CHADL: variants seen among roughly 807,000 people sequenced by gnomAD.
CHADL encodes chondroadherin-like protein.
Under a neutral mutation model 52.1 loss-of-function variants are expected in CHADL, and 48 were observed. The ratio of observed to expected loss-of-function variants is 0.92; its 90% confidence interval spans 0.73 to 1.17. The LOEUF (loss-of-function observed/expected upper bound fraction) is 1.17, where lower values mean the gene tolerates loss of function less well. Among genes scored for constraint, CHADL ranks in the 50% most tolerant of loss-of-function variants. CHADL has a pLI of 0.00. For synonymous variants in CHADL, 498 were observed against 511.2 expected, an observed-to-expected ratio of 0.97 and a Z score of 0.35; for missense variants, 977 against 1,035.1, an observed-to-expected ratio of 0.94 and a Z score of 0.77.
chr22:41,237,538 C>T lies in CHADL; in HGVS notation c.1534G>A (p.Val512Met). The change falls in exon 3 of 6, where the codon GTG (valine) becomes ATG (methionine). Residue 512 changes from valine to methionine, a missense_variant. Transcript: ENST00000216241. Reference sequence around the variant, plus strand: ...AGGGCGCGCAGGGCAGCCCCTGGCACCTGCAGGAAACGGTTGCGTTCTAGG... The same window carrying T: ...AGGGCGCGCAGGGCAGCCCCTGGCATCTGCAGGAAACGGTTGCGTTCTAGG... ...LYLERNRFLQ[V>M]PGAALRALPS... 1 of 1,550,494 alleles carries T rather than the reference C, an allele frequency of 6.4e-7. No homozygotes were observed. The highest frequency in any genetic ancestry group is 8.7e-7 in the Non-Finnish European group (1 of 1,146,926).
Position 41,229,668 on chromosome 22 carries a change from C to G in CHADL, c.*36G>C. The G allele has an allele frequency of 6.2e-7, 1 of 1,613,124 alleles. No homozygotes were observed. Among genetic ancestry groups the G allele is most frequent in the Non-Finnish European group, 8.5e-7 (1 of 1,180,016 alleles). On this transcript the variant is annotated 3_prime_UTR_variant, in exon 6 of 6. Coordinates refer to ENST00000216241, the MANE Select transcript of CHADL (RefSeq NM_138481.2). The stretch of plus-strand genomic sequence containing the variant: ...TGTTCCTGGCGAGAGTAAGAGCCAC[C>G]GGGCTGGGTCAAGGCAGGACCAGCC...
At chr22:41,233,956 A>G (rs2032686036) in intron 5 of CHADL, among the ~76,000 whole-genome samples, 1 of 152,148 alleles carries the variant, frequency 6.6e-6, no homozygotes, top group African/African-American at 2.4e-5. Flanking sequence ...GGGTGCCTGT[A>G]TCTTGTGCAC....
At chr22:41,236,035 C>A (rs942764215) in intron 4 of CHADL, among the ~76,000 whole-genome samples, 1 of 152,190 alleles carries the variant, frequency 6.6e-6, no homozygotes, top group Non-Finnish European at 1.5e-5. Flanking sequence ...CCACGCCCAG[C>A]TAATTTTTGT....
intron 3 of CHADL, 151 bp downstream of exon 3, chr22:41,237,025 C>T (rs1046666334): frequency 3.7e-5 from 30 of 801,166 alleles, no homozygotes; most frequent in East Asian, 2.7e-4. Flanking sequence ...TCACTCACAC[C>T]GGTAGGGGCA....
chr22:41,238,953 T>C lies in CHADL; in HGVS notation c.187-68A>G, dbSNP rs140279611. On this transcript the variant is annotated intron_variant, in intron 2 of 5. Transcript: ENST00000216241. The surrounding 1 kb of genome is among the most constrained non-coding windows in gnomAD (Gnocchi z 4.9). ...CCCCGCCTTTGCAAGTGCTGCTTCT[T>C]CCCCGGAACACTCTTTTCTCCTGTC... 3,662 of 1,458,274 alleles carry C rather than the reference T, an allele frequency of 2.5e-3. 68 individuals are homozygous for C. The African/African-American group carries it at 0.046, about 18-fold the overall frequency. The allele number at this position is 1,458,274 out of a possible 1,614,324, so 90.3% of individuals were successfully genotyped here. A position where few individuals can be genotyped will look rare whatever the true frequency, so the allele number is the denominator to read the frequency against.
chr22:41,238,604 T>A lies in CHADL; in HGVS notation c.468A>T (p.Ala156=). 6.5e-7 allele frequency: 1 copy of A among 1,545,018 alleles called. No individual in the cohort carries two copies. Among genetic ancestry groups the A allele is most frequent in the South Asian group, 1.2e-5 (1 of 84,026 alleles). ...LEELRPGTFG[A]LGALATLNLA... is the part of the protein sequence containing the mutation. ...GGTTTAGCGTGGCCAGCGCACCCAG[T>A]GCCCCGAACGTCCCCGGCCGCAGCT... Residue 156 remains alanine, a synonymous_variant, in exon 3 of 6, where the codon GCA becomes GCT. Transcript: ENST00000216241. This position sits in a 1 kb window ranked among gnomAD's most constrained non-coding sequence, Gnocchi z 4.9.
In CHADL at chr22:41,237,721, G is replaced by A; in HGVS notation, c.1351C>T (p.Leu451=). 6.5e-7 allele frequency: 1 copy of A among 1,541,954 alleles called. No individual in the cohort carries two copies. The highest frequency in any genetic ancestry group is 8.7e-7 in the Non-Finnish European group (1 of 1,142,964). Residue 451 remains leucine (L), a synonymous_variant, in exon 3 of 6, where the codon CTG becomes TTG. Transcript: ENST00000216241. ...CAGTGCTGCAGGTGCAGCGACACCA[G>A]GTGGCCCAGGCCGGGGAAGGCCGCT... ...PRAAFPGLGH[L]VSLHLQHCGI... is the part of the protein sequence containing the mutation.
chr22:41,240,469 C>A (rs563539885), intron 1 of CHADL, among the ~76,000 whole-genome samples: 48 of 152,250 alleles, frequency 3.2e-4, no homozygotes, highest in African/African-American at 1.1e-3. Context: ...GAGCCTCCCC[C>A]TCGCTGCTCA....
Position 41,238,464 on chromosome 22 carries a change from G to A in CHADL, c.608C>T (p.Ala203Val), listed in dbSNP as rs868737049. ...GAGCCGTCTCAGGGCGGGCAGGCCAGCCAGGGCCTCGGGGGCCAGCACGCT... is the reference window on the plus strand; with the variant it reads ...GAGCCGTCTCAGGGCGGGCAGGCCAACCAGGGCCTCGGGGGCCAGCACGCT... ...ALSVLAPEAL[A>V]GLPALRRLSL... The change falls in exon 3 of 6, where the codon GCT becomes GTT. Residue 203 changes from alanine (A) to valine (V), a missense_variant. Coordinates refer to ENST00000216241, the MANE Select transcript of CHADL (RefSeq NM_138481.2). This position sits in a 1 kb window ranked among gnomAD's most constrained non-coding sequence, Gnocchi z 4.9. The A allele has an allele frequency of 9.8e-6, 15 of 1,530,946 alleles. No homozygotes were observed. The highest frequency in any genetic ancestry group is 1.2e-5 in the Non-Finnish European group (14 of 1,141,082). 94.8% of individuals were successfully genotyped at this position (1,530,946 alleles called of 1,614,324 possible).
Position 41,229,744 on chromosome 22 carries a change from A to C in CHADL, c.2263-14T>G. 2 of 1,606,912 alleles carry C rather than the reference A, an allele frequency of 1.2e-6. No individual in the cohort carries two copies. Among genetic ancestry groups the C allele is most frequent in the South Asian group, 2.2e-5 (2 of 90,284 alleles). ...CTCCTTCCCCACCTGGGCACAGAAG[A>C]GTAGAGTCAGGTTTCTTTGGCATTT... is the stretch of plus-strand genomic sequence containing the variant. On this transcript the variant is annotated splice_polypyrimidine_tract_variant and intron_variant, in intron 5 of 5. Coordinates refer to ENST00000216241, the MANE Select transcript of CHADL (RefSeq NM_138481.2).
intron 5 of CHADL, chr22:41,230,319 G>A: frequency 8.8e-7 from 1 of 1,133,614 alleles, no homozygotes; most frequent in Non-Finnish European, 1.3e-6. Context: ...CCACCACCAT[G>A]CCTCCACCTG....
In CHADL at chr22:41,238,170, T is replaced by C. The variant is rs1291356052; in HGVS notation, c.902A>G (p.Gln301Arg). 6.8e-7 allele frequency: 1 copy of C among 1,473,214 alleles called. No homozygotes were observed. Among genetic ancestry groups the C allele is most frequent in the Non-Finnish European group, 8.9e-7 (1 of 1,119,710 alleles). The allele number at this position is 1,473,214 out of a possible 1,614,324, so 91.3% of individuals were successfully genotyped here. Reference protein sequence around the residue: ...DTLPPLQGPGQLRRLRLQGNP... With the variant: ...DTLPPLQGPGRLRRLRLQGNP... ...CCCCTGCAGCCGCAGCCGGCGCAGC[T>C]GGCCCGGGCCCTGCAGCGGGGGCAG... The change falls in exon 3 of 6, where the codon CAG (glutamine) becomes CGG (arginine). Residue 301 changes from glutamine to arginine, a missense_variant. By Grantham distance (43) the Gln-to-Arg change is conservative. Coordinates refer to ENST00000216241, the MANE Select transcript of CHADL (RefSeq NM_138481.2). This position sits in a 1 kb window ranked among gnomAD's most constrained non-coding sequence, Gnocchi z 4.9.
intron 5 of CHADL, among the ~76,000 whole-genome samples, chr22:41,232,533 C>T (rs951758060): frequency 2.0e-5 from 3 of 152,080 alleles, no homozygotes; most frequent in South Asian, 2.1e-4. Context: ...CATCTCCAGC[C>T]GGGAACAATG....
chr22:41,239,727 C>G, intron 1 of CHADL, 107 bp from the exon 2 acceptor site: 1 of 1,048,858 alleles, frequency 9.5e-7, no homozygotes. Flanking sequence ...CCCCTCAGAG[C>G]CTCCTCCTTT....
chr22:41,236,009 T>C (rs951751474), intron 4 of CHADL, among the ~76,000 whole-genome samples: 2 of 152,158 alleles, frequency 1.3e-5, no homozygotes, highest in African/African-American at 4.8e-5. Context: ...GTAGCTGGGA[T>C]TACAGGCACC....
In CHADL at chr22:41,235,137, T is replaced by C. The variant is rs1477510465; in HGVS notation, c.2262+8A>G. The C allele has an allele frequency of 3.2e-6, 5 of 1,550,926 alleles. No individual in the cohort carries two copies. The highest frequency in any genetic ancestry group is 4.9e-5 in the East Asian group (2 of 40,922). ...CCAAGGTCTCACCCCTCCTGCCCCA[T>C]GGCCAACCTTATCTGCTCCACACTG... On this transcript the variant is annotated splice_region_variant and intron_variant, in intron 5 of 5. Transcript: ENST00000216241.
At chr22:41,234,395 A>ATTATTATTAT (rs1376614792) in intron 5 of CHADL, among the ~76,000 whole-genome samples, 1 of 148,988 alleles carries the variant, frequency 6.7e-6, no homozygotes, top group Non-Finnish European at 1.5e-5. Flanking sequence ...TATTATTATT[A>ATTATTATTAT]TTATTGAGAC....
At position 41,229,615 on chromosome 22, in the gene CHADL, A is replaced by C. The variant is rs2032439250; in HGVS notation, c.*89T>G. 2 of 1,613,866 alleles carry C rather than the reference A, an allele frequency of 1.2e-6. No individual in the cohort carries two copies. The highest frequency in any genetic ancestry group is 2.2e-5 in the East Asian group (1 of 44,886). ...AAGCCCCTGCTGGAGGACGACCCTC[A>C]GGGTGCCAGGAAGATCTCGTCGGAG... On this transcript the variant is annotated 3_prime_UTR_variant, in exon 6 of 6. Coordinates refer to ENST00000216241, the MANE Select transcript of CHADL (RefSeq NM_138481.2).
intron 5 of CHADL, chr22:41,230,525 G>T: frequency 2.3e-6 from 1 of 440,860 alleles, no homozygotes; most frequent in Non-Finnish European, 4.1e-6. Context: ...AGTTCCCAAA[G>T]CTGGAACGCT....
Sources: gnomAD v4.1 joint callset for allele counts (sites outside exome capture counted in the v4.1 genomes callset) on GRCh38, gnomAD v4.1.1 for gene constraint, Gnocchi (gnomAD v3.1) non-coding constraint, MANE v1.5 for transcripts, NCBI Gene and HGNC (gene_info 2026-07-23, HGNC 2026-07-21) for gene names.